Variants in ADCY2 observed in about 807,000 individuals in gnomAD.
The protein encoded by ADCY2 is adenylate cyclase type 2.
In ADCY2, 31 loss-of-function variants were observed where a neutral mutation model predicts 125.2. The ratio of observed to expected loss-of-function variants is 0.25; its 90% CI spans 0.19 to 0.33. ADCY2 has a LOEUF of 0.33. Among genes scored for constraint, ADCY2 ranks in the 10% least tolerant of loss-of-function variants. The pLI, the probability that ADCY2 is intolerant of heterozygous loss-of-function variation, is 1.00. For synonymous variants in ADCY2, 512 were observed against 548.4 expected (o/e 0.93, Z 0.93); for missense variants, 904 against 1,418.2 (o/e 0.64, Z 5.82).
At chr5:7,640,142 A>G (rs1738645288) in intron 4 of ADCY2, among the ~76,000 whole-genome samples, 1 of 152,216 alleles carries the variant, frequency 6.6e-6, no homozygotes, top group Admixed American at 6.5e-5. Context: ...AAACAGTGTT[A>G]GATTTTGACA....
At chr5:7,734,844 A>C (rs1454199931) in intron 14 of ADCY2, among the ~76,000 whole-genome samples, 2 of 152,218 alleles carry the variant, frequency 1.3e-5, no homozygotes, top group Non-Finnish European at 2.9e-5. Context: ...CAGAAGCCAA[A>C]GTCTGACATC....
intron 3 of ADCY2, among the ~76,000 whole-genome samples, chr5:7,608,715 C>A (rs144495345): frequency 6.6e-6 from 1 of 152,192 alleles, no homozygotes; most frequent in East Asian, 1.9e-4. Flanking sequence ...AGGTATATTG[C>A]GTATCTGTTT....
intron 22 of ADCY2, among the ~76,000 whole-genome samples, chr5:7,815,266 C>A (rs1309385416): frequency 6.6e-6 from 1 of 152,188 alleles, no homozygotes; most frequent in Non-Finnish European, 1.5e-5. Context: ...ATTAATAGAG[C>A]AAAGTCTCTA....
intron 3 of ADCY2, among the ~76,000 whole-genome samples, chr5:7,593,898 G>A (rs1736925274): frequency 6.6e-6 from 1 of 152,172 alleles, no homozygotes; most frequent in South Asian, 2.1e-4. Context: ...AGATGTAAAA[G>A]TGTCATTTGA....
intron 4 of ADCY2, among the ~76,000 whole-genome samples, chr5:7,656,183 T>TA (rs1450016121): frequency 6.6e-6 from 1 of 151,984 alleles, no homozygotes; most frequent in Non-Finnish European, 1.5e-5. Flanking sequence ...GCCTCCCAAG[T>TA]AACTGGGATT....
intron 1 of ADCY2, among the ~76,000 whole-genome samples, chr5:7,406,381 A>G (rs1434828094): frequency 6.6e-6 from 1 of 152,134 alleles, no homozygotes; most frequent in Non-Finnish European, 1.5e-5. Context: ...TCAGCCATCT[A>G]CCCAGCCACC....
intron 18 of ADCY2, 36 bp from the exon 19 acceptor site, chr5:7,784,329 G>A (rs1184275335): frequency 6.8e-7 from 1 of 1,477,452 alleles, no homozygotes; most frequent in Non-Finnish European, 9.5e-7. Flanking sequence ...TTGTTTTGTT[G>A]CATTGTTGTC....
At chr5:7,697,600 G>C (rs891586977) in intron 6 of ADCY2, among the ~76,000 whole-genome samples, 1 of 152,144 alleles carries the variant, frequency 6.6e-6, no homozygotes, top group Non-Finnish European at 1.5e-5. Flanking sequence ...TATGAATGCA[G>C]TTAATCTAAA....
chr5:7,452,151 G>T (rs759596342), intron 2 of ADCY2, among the ~76,000 whole-genome samples: 15 of 152,122 alleles, frequency 9.9e-5, no homozygotes, highest in Non-Finnish European at 2.1e-4. Flanking sequence ...GACCTCAGGT[G>T]ATCTGCCTGC....
intron 6 of ADCY2, 82 bp from the exon 7 acceptor site, chr5:7,698,165 C>T: frequency 6.4e-7 from 1 of 1,553,676 alleles, no homozygotes; most frequent in Admixed American, 1.7e-5. Flanking sequence ...GTGAGCAGAG[C>T]TGGCGCTTGA....
chr5:7,444,048 TTTTTGTCCTGTTCTCTTCAAGCCCC>T (rs1458276559), intron 2 of ADCY2, among the ~76,000 whole-genome samples: 3 of 152,092 alleles, frequency 2.0e-5, no homozygotes, highest in Non-Finnish European at 4.4e-5. Flanking sequence ...ATACCTGCTA[TTTTTGTCCTGTTCTCTTCAAGCCCC>T]TTTTGGTGAA....
At chr5:7,646,374 T>C (rs1447894143) in intron 4 of ADCY2, among the ~76,000 whole-genome samples, 1 of 151,436 alleles carries the variant, frequency 6.6e-6, no homozygotes, top group Non-Finnish European at 1.5e-5. Flanking sequence ...ATAGAAATAG[T>C]TTATCTCACT....
intron 3 of ADCY2, among the ~76,000 whole-genome samples, chr5:7,543,372 T>C (rs1257740957): frequency 6.6e-6 from 1 of 152,210 alleles, no homozygotes; most frequent in Non-Finnish European, 1.5e-5. Context: ...GGATTAGTAT[T>C]GTATTTCAAT....
intron 2 of ADCY2, among the ~76,000 whole-genome samples, chr5:7,464,250 T>C (rs1742025786): frequency 1.3e-5 from 2 of 152,180 alleles, no homozygotes; most frequent in African/African-American, 4.8e-5. Flanking sequence ...CTCGGAGCTC[T>C]GCGCTGCTGT....
At chr5:7,426,273 C>T (rs747074718) in intron 2 of ADCY2, among the ~76,000 whole-genome samples, 1 of 152,116 alleles carries the variant, frequency 6.6e-6, no homozygotes, top group Non-Finnish European at 1.5e-5. Context: ...AACTATTTGG[C>T]CTTTGTCTTA....
rs139450063 is a variant in ADCY2, at chr5:7,693,406, G to GTTTTT, written c.870-2344_870-2340dup. The stretch of plus-strand genomic sequence containing the variant: ...GTACCTTGCATCACAATTGCCTGCT[G>GTTTTT]TTTTTTGTTTTTTTTTTTTTTTTTT... On this transcript the variant is annotated intron_variant, in intron 5 of 24. Coordinates refer to ENST00000338316, the MANE Select transcript of ADCY2 (RefSeq NM_020546.3). 6.0e-4 allele frequency among the ~76,000 whole-genome samples: 35 copies of GTTTTT among 58,642 alleles called. 4 individuals carry two copies. The highest frequency in any genetic ancestry group is 1.0e-3 in the Non-Finnish European group (29 of 27,730). The allele number at this position is 58,642 out of a possible 152,430, so 38.5% of individuals were successfully genotyped here. A position where few individuals can be genotyped will look rare whatever the true frequency, so the allele number is the denominator to read the frequency against.
At position 7,709,248 on chromosome 5, in the gene ADCY2, G is replaced by C; in HGVS notation, c.1439G>C (p.Arg480Pro). ...AGCCCCCAGCATCTCTTCAGACCTC[G>C]CCACACCCTTGATGGAGCCAAAATG... ...RRSPQHLFRP[R>P]HTLDGAKMRA... Residue 480 changes from arginine (R) to proline (P), a missense_variant, in exon 10 of 25, where the codon CGC becomes CCC. Around this residue, in one of 7 missense-constraint regions of ADCY2, gnomAD observed 144 missense variants for 227.7 expected, o/e 0.63. Coordinates refer to ENST00000338316, the MANE Select transcript of ADCY2 (RefSeq NM_020546.3). This position sits in a 1 kb window ranked among gnomAD's most constrained non-coding sequence, Gnocchi z 4.4. 1.9e-6 allele frequency: 3 copies of C among 1,613,372 alleles called. No homozygotes were observed. The highest frequency in any genetic ancestry group is 2.5e-6 in the Non-Finnish European group (3 of 1,179,776).
intron 18 of ADCY2, among the ~76,000 whole-genome samples, chr5:7,777,574 A>G (rs546657267): frequency 5.9e-5 from 9 of 152,306 alleles, no homozygotes; most frequent in Non-Finnish European, 1.2e-4. Flanking sequence ...ATTTCAAAGG[A>G]AAGTTCAGGG....
At chr5:7,472,492 T>C (rs550971414) in intron 2 of ADCY2, among the ~76,000 whole-genome samples, 1 of 151,774 alleles carries the variant, frequency 6.6e-6, no homozygotes, top group Non-Finnish European at 1.5e-5. Context: ...ATATATAATA[T>C]ATGATGCAAG....
Sources: gnomAD v4.1 joint callset for allele counts (sites outside exome capture counted in the v4.1 genomes callset) on GRCh38, gnomAD v4.1.1 for gene constraint, gnomAD v4.1.1 regional missense constraint, Gnocchi (gnomAD v3.1) non-coding constraint, MANE v1.5 for transcripts, NCBI Gene and HGNC (gene_info 2026-07-23, HGNC 2026-07-21) for gene names.